The following USB1 variants were observed in gnomAD, a reference collection of about 807,000 sequenced individuals.
USB1 encodes U6 snRNA biogenesis phosphodiesterase 1.
A neutral mutation model predicts 29.9 loss-of-function variants in USB1; 21 were observed. The ratio of observed to expected loss-of-function variants is 0.70; its 90% CI spans 0.50 to 1.01. The LOEUF (loss-of-function observed/expected upper bound fraction) is 1.01, where lower values mean the gene tolerates loss of function less well. Ranked by LOEUF, USB1 falls within the 50% of genes least tolerant of loss-of-function variation. USB1 has a pLI of 0.00. For missense variants in USB1, 330 were observed against 347.1 expected (o/e 0.95, Z 0.39); for synonymous variants, 143 against 134.9 (o/e 1.06, Z -0.42).
intron 3 of USB1, chr16:58,011,704 C>A (rs576853518): frequency 1.0e-6 from 1 of 987,574 alleles, no homozygotes; most frequent in Admixed American, 6.0e-5. Context: ...GGTTCTTTAC[C>A]CCTGGTGGTC....
In USB1 at chr16:58,008,453, C is replaced by CTTTTTTTTTTTTT. The variant is rs56262437; in HGVS notation, c.266-1470_266-1458dup. 6.9e-5 allele frequency among the ~76,000 whole-genome samples: 8 copies of CTTTTTTTTTTTTT among 115,190 alleles called. 1 individual carries two copies. The highest frequency in any genetic ancestry group is 1.1e-4 in the Non-Finnish European group (6 of 54,562). 75.6% of individuals were successfully genotyped at this position (115,190 alleles called of 152,430 possible). ...ATTGACTTTAGATCTTTTTCTTTTTCTTTTTTTTTTTTTTTTTTGTGAGGG... is the reference window on the plus strand; with the variant it reads ...ATTGACTTTAGATCTTTTTCTTTTTCTTTTTTTTTTTTTTTTTTTTTTTTTTTTTTTGTGAGGG... On this transcript the variant is annotated intron_variant, in intron 2 of 6. Transcript: ENST00000219281.
At position 58,002,516 on chromosome 16, in the gene USB1, C is replaced by A; in HGVS notation, c.136C>A (p.Pro46Thr). 6.2e-7 allele frequency: 1 copy of A among 1,614,022 alleles called. No homozygotes were observed. The highest frequency in any genetic ancestry group is 8.5e-7 in the Non-Finnish European group (1 of 1,180,022). ...SPLPRQRFPV[P>T]DSVLNMFPGT... Reference sequence around the variant, plus strand: ...CCTTCCCAGGCAGAGATTTCCAGTACCTGACAGTGTGCTGAACATGTTCCC... The same window carrying A: ...CCTTCCCAGGCAGAGATTTCCAGTAACTGACAGTGTGCTGAACATGTTCCC... The change falls in exon 2 of 7, where the codon CCT becomes ACT. Residue 46 changes from proline (P) to threonine (T), a missense_variant. By Grantham distance (38) the Pro-to-Thr change is conservative. Transcript: ENST00000219281.
chr16:58,000,216 C>G (rs1291802075), upstream of USB1, among the ~76,000 whole-genome samples: 2 of 152,098 alleles, frequency 1.3e-5, no homozygotes, highest in East Asian at 3.9e-4. This position sits in a 1 kb window ranked among gnomAD's most constrained non-coding sequence, Gnocchi z 4.5. Context: ...GAGAAAGGCC[C>G]CAGGGCTACA....
At position 58,013,562 on chromosome 16, in the gene USB1, A is replaced by T; in HGVS notation, c.450-711A>T. The T allele has an allele frequency of 1.0e-6, 1 of 954,186 alleles. No homozygotes were observed. Among genetic ancestry groups the T allele is most frequent in the Non-Finnish European group, 1.2e-6 (1 of 823,482 alleles). The allele number at this position is 954,186 out of a possible 1,614,324, so 59.1% of individuals were successfully genotyped here. On this transcript the variant is annotated intron_variant, in intron 3 of 6. Transcript: ENST00000219281. The surrounding 1 kb of genome is among the most constrained non-coding windows in gnomAD (Gnocchi z 4.3). ...AGAACCAGTCCAAGTCAAAGCACTT[A>T]CCTAGCTGAGCCTGACTCTTCCCGT...
intron 2 of USB1, among the ~76,000 whole-genome samples, chr16:58,004,427 T>C (rs1309390957): frequency 2.6e-5 from 4 of 152,174 alleles, no homozygotes; most frequent in Non-Finnish European, 5.9e-5. Flanking sequence ...GTGTTGACTA[T>C]TCTGGGTTTT....
intron 2 of USB1, among the ~76,000 whole-genome samples, chr16:58,003,692 GC>G (rs1227934137): frequency 1.3e-5 from 2 of 151,932 alleles, no homozygotes; most frequent in African/African-American, 2.4e-5. Flanking sequence ...AAGGTCTTTT[GC>G]CCACTTTTTA....
chr16:58,006,164 C>G (rs1963348187), intron 2 of USB1, among the ~76,000 whole-genome samples: 1 of 151,226 alleles, frequency 6.6e-6, no homozygotes, highest in African/African-American at 2.4e-5. Flanking sequence ...ACCAGCCTGA[C>G]CAACATGGAG....
rs370086533 is a variant in USB1 at position 58,020,133 on chromosome 16, G to A, written c.694-8G>A. The A allele has an allele frequency of 3.8e-5, 62 of 1,614,156 alleles. No homozygotes were observed. In the African/African-American group the frequency reaches 7.6e-4, roughly 20 times the overall value. ...ATGTGACTGTCCTCCCCTGGCTGCT[G>A]TTTTAAGGCAATCGTGGATGGGTTT... On this transcript the variant is annotated splice_polypyrimidine_tract_variant and splice_region_variant and intron_variant, in intron 6 of 6. Transcript: ENST00000219281.
chr16:58,011,530 G>A (rs1327400709), intron 3 of USB1: 19 of 1,004,622 alleles, frequency 1.9e-5, no homozygotes, highest in South Asian at 1.3e-4. Context: ...GAATCCCTCC[G>A]TCCAGAGATC....
At chr16:58,011,661 T>C in intron 3 of USB1, 1 of 988,298 alleles carries the variant, frequency 1.0e-6, no homozygotes, top group South Asian at 4.7e-5. Context: ...GTTTCACAGG[T>C]GACCCCTCCA....
In USB1 at chr16:58,020,410, TTCTC is replaced by T. The variant is rs370473790; in HGVS notation, c.*175_*178del. 2.6e-3 allele frequency: 1,799 copies of T among 679,184 alleles called. 35 individuals are homozygous for T. In the East Asian group the frequency reaches 0.035, roughly 13 times the overall value. 42.1% of individuals were successfully genotyped at this position (679,184 alleles called of 1,614,324 possible). A position where few individuals can be genotyped will look rare whatever the true frequency, so the allele number is the denominator to read the frequency against. ...TCCTCATCCTCCCTGAGTGCTGATATTCTCTCTCTCTCTTTCTCTTCCTCTTCTT... is the reference window on the plus strand; with the variant it reads ...TCCTCATCCTCCCTGAGTGCTGATATTCTCTCTCTTTCTCTTCCTCTTCTT... On this transcript the variant is annotated 3_prime_UTR_variant, in exon 7 of 7. Coordinates refer to ENST00000219281, the MANE Select transcript of USB1 (RefSeq NM_024598.4).
chr16:58,012,808 C>G, intron 3 of USB1: 1 of 997,040 alleles, frequency 1.0e-6, no homozygotes, highest in Non-Finnish European at 1.2e-6. Flanking sequence ...TGAACTGCAC[C>G]CCTCCAGGGA....
chr16:58,006,619 A>G (rs892562201), intron 2 of USB1, among the ~76,000 whole-genome samples: 29 of 152,182 alleles, frequency 1.9e-4, no homozygotes, highest in Non-Finnish European at 2.6e-4. Flanking sequence ...AGAGTGCACC[A>G]CTGCACTCCA....
Position 58,002,491 on chromosome 16 carries a change from C to T in USB1, c.111C>T (p.Pro37=), listed in dbSNP as rs767672950. ...GDGSHRRGQS[P]LPRQRFPVPD... The stretch of plus-strand genomic sequence containing the variant: ...TTTTCTTTTGCAGTGGCCAGAGCCC[C>T]CTTCCCAGGCAGAGATTTCCAGTAC... Residue 37 remains proline (P), a synonymous_variant, in exon 2 of 7, where the codon CCC becomes CCT. Coordinates refer to ENST00000219281, the MANE Select transcript of USB1 (RefSeq NM_024598.4). 7 of 1,614,034 alleles carry T rather than the reference C, an allele frequency of 4.3e-6. No individual in the cohort carries two copies. In the Admixed American group the frequency reaches 8.3e-5, roughly 19 times the overall value.
intron 3 of USB1, chr16:58,011,021 C>G (rs1445063014): frequency 1.4e-6 from 1 of 712,404 alleles, no homozygotes; most frequent in Non-Finnish European, 2.5e-6. Flanking sequence ...TGATCAGCCC[C>G]CATCCAGGAC....
chr16:58,018,806 G>T (rs1963676724), intron 5 of USB1, among the ~76,000 whole-genome samples, 166 bp from the exon 6 acceptor site: 8 of 152,174 alleles, frequency 5.3e-5, no homozygotes, highest in Admixed American at 5.2e-4. Context: ...GTGCTGTTTT[G>T]TCTGTCTGTG....
At chr16:58,002,828 G>T (rs536457290) in intron 2 of USB1, among the ~76,000 whole-genome samples, 183 bp downstream of exon 2, 2 of 152,302 alleles carry the variant, frequency 1.3e-5, no homozygotes, top group African/African-American at 4.8e-5. Context: ...TGTCATCTTG[G>T]TTTTGAATTC....
Position 58,002,643 on chromosome 16 carries a change from C to A in USB1, c.263C>A (p.Pro88Gln). ...RGNWATHVYV[P>Q]YEAKEEFLDL... Reference sequence around the variant, plus strand: ...AACTGGGCCACCCACGTCTATGTACCATGTGAGTGATGTGTGAAAGGCAAG... The same window carrying A: ...AACTGGGCCACCCACGTCTATGTACAATGTGAGTGATGTGTGAAAGGCAAG... The change falls in exon 2 of 7, where the codon CCA becomes CAA. Residue 88 changes from proline (P) to glutamine (Q), a missense_variant and splice_region_variant. By Grantham distance (76) the Pro-to-Gln change is moderately conservative. Coordinates refer to ENST00000219281, the MANE Select transcript of USB1 (RefSeq NM_024598.4). 6.2e-7 allele frequency: 1 copy of A among 1,613,784 alleles called. No homozygotes were observed. Among genetic ancestry groups the A allele is most frequent in the Non-Finnish European group, 8.5e-7 (1 of 1,179,976 alleles).
intron 2 of USB1, among the ~76,000 whole-genome samples, chr16:58,006,488 A>G (rs975946745): frequency 7.1e-6 from 1 of 141,608 alleles, no homozygotes; most frequent in African/African-American, 2.7e-5. Context: ...CGAAACCCCC[A>G]TCTCTACTAA....
Sources: gnomAD v4.1 joint callset for allele counts (sites outside exome capture counted in the v4.1 genomes callset) on GRCh38, gnomAD v4.1.1 for gene constraint, Gnocchi (gnomAD v3.1) non-coding constraint, MANE v1.5 for transcripts, NCBI Gene and HGNC (gene_info 2026-07-23, HGNC 2026-07-21) for gene names.